Variants in SNX31 observed in about 807,000 individuals in gnomAD.
The protein encoded by SNX31 is sorting nexin 31.
In SNX31, 58 loss-of-function variants were observed where a neutral mutation model predicts 65.4. The observed-to-expected ratio is 0.89, with a 90% CI of 0.72 to 1.10. The LOEUF is 1.10. Among genes scored for constraint, SNX31 ranks in the 50% least tolerant of loss-of-function variants. SNX31 has a pLI of 0.00. For missense variants in SNX31, 523 were observed against 529.7 expected, an observed-to-expected ratio of 0.99 and a Z score of 0.12; for synonymous variants, 181 against 190.1, an observed-to-expected ratio of 0.95 and a Z score of 0.39.
In SNX31 at chr8:100,617,709, T is replaced by G; in HGVS notation, c.343A>C (p.Lys115Gln). The change falls in exon 5 of 14, where the codon AAG (lysine) becomes CAG (glutamine). Residue 115 changes from lysine (K) to glutamine (Q), a missense_variant. Coordinates refer to ENST00000311812, the MANE Select transcript of SNX31 (RefSeq NM_152628.4). ...AGAAATATGTCCAGATAAGCTTTCT[T>G]GGTGGCGATGTCAAATGTATTCTAT... ...AQLNTFDIATKKAYLDIFLPN... is the reference protein window; with the variant it reads ...AQLNTFDIATQKAYLDIFLPN... 6.2e-7 allele frequency: 1 copy of G among 1,613,252 alleles called. No individual in the cohort carries two copies. Among genetic ancestry groups the G allele is most frequent in the Non-Finnish European group, 8.5e-7 (1 of 1,179,730 alleles).
intron 11 of SNX31, among the ~76,000 whole-genome samples, chr8:100,585,529 G>A (rs1813966410): frequency 6.6e-6 from 1 of 152,060 alleles, no homozygotes; most frequent in African/African-American, 2.4e-5. Context: ...GTCTTCCAGG[G>A]GTGTAGAGCA....
chr8:100,582,284 C>T (rs903019868), intron 12 of SNX31: 1 of 152,206 alleles, frequency 6.6e-6, no homozygotes, highest in Non-Finnish European at 1.5e-5. Context: ...AAGTAGCTTA[C>T]ATTTTTTTCA....
At chr8:100,641,565 A>AAAAAAAAAATATATAT (rs1554587369) in intron 2 of SNX31, among the ~76,000 whole-genome samples, 1 of 32,108 alleles carries the variant, frequency 3.1e-5, no homozygotes, top group African/African-American at 1.4e-4. Context: ...AAAAAAAAAA[A>AAAAAAAAAATATATAT]ATATATATAT....
At chr8:100,655,585 T>C (rs1034361228) in intron 1 of SNX31, among the ~76,000 whole-genome samples, 3 of 152,252 alleles carry the variant, frequency 2.0e-5, no homozygotes, top group Non-Finnish European at 4.4e-5. Flanking sequence ...TTCTGCATTC[T>C]GCCATGATTG....
intron 9 of SNX31, among the ~76,000 whole-genome samples, chr8:100,599,454 T>A (rs1815407582): frequency 6.6e-6 from 1 of 152,120 alleles, no homozygotes; most frequent in African/African-American, 2.4e-5. Flanking sequence ...AACTCTTTTT[T>A]TTTTTTTTGT....
chr8:100,662,419 C>CG (rs1809802867), intron 1 of SNX31, among the ~76,000 whole-genome samples: 1 of 152,134 alleles, frequency 6.6e-6, no homozygotes, highest in East Asian at 1.9e-4. Context: ...AATGCTGGGT[C>CG]GGGCATGGTG....
Position 100,636,020 on chromosome 8 carries a change from T to A in SNX31, c.142-9A>T, listed in dbSNP as rs1818748454. 1.2e-6 allele frequency: 2 copies of A among 1,607,950 alleles called. No homozygotes were observed. Among genetic ancestry groups the A allele is most frequent in the Admixed American group, 1.7e-5 (1 of 59,956 alleles). On this transcript the variant is annotated splice_polypyrimidine_tract_variant and intron_variant, in intron 2 of 13. Transcript: ENST00000311812. ...CCAAAGACCCGCCTTAGCTGAAAGA[T>A]CCAGGAAACACAGTTAAGGCAGGTG...
At chr8:100,650,167 T>C (rs753883827), upstream of SNX31, among the ~76,000 whole-genome samples, 3 of 152,232 alleles carry the variant, frequency 2.0e-5, no homozygotes, top group Non-Finnish European at 2.9e-5. Flanking sequence ...GACTACCCAG[T>C]GCAAGTTCTT....
chr8:100,637,650 C>T (rs140218114), intron 2 of SNX31, among the ~76,000 whole-genome samples: 126 of 152,294 alleles, frequency 8.3e-4, no homozygotes, highest in African/African-American at 2.7e-3. Flanking sequence ...CCCGTGACTC[C>T]TTCAGTCTAT....
intron 3 of SNX31, among the ~76,000 whole-genome samples, chr8:100,631,441 T>TTC: frequency 7.7e-6 from 1 of 130,622 alleles, no homozygotes; most frequent in South Asian, 2.4e-4. Context: ...GTTTTACTTT[T>TTC]TTTTTTTTTT....
chr8:100,643,119 G>C (rs34829030), intron 2 of SNX31, among the ~76,000 whole-genome samples: 3 of 151,714 alleles, frequency 2.0e-5, no homozygotes, highest in Admixed American at 6.6e-5. Flanking sequence ...TGAACTTGGG[G>C]GGGGTGGAGG....
intron 12 of SNX31, among the ~76,000 whole-genome samples, chr8:100,581,319 C>CTA (rs1261112864): frequency 4.1e-4 from 51 of 123,034 alleles, no homozygotes; most frequent in African/African-American, 1.6e-3. Context: ...TTTTATATAT[C>CTA]TATATCTATC....
At chr8:100,597,286 G>C (rs1039912989) in intron 9 of SNX31, among the ~76,000 whole-genome samples, 3 of 151,794 alleles carry the variant, frequency 2.0e-5, no homozygotes, top group African/African-American at 7.3e-5. Flanking sequence ...CTATCACCCA[G>C]GCTGGCGTGC....
At chr8:100,585,594 C>T (rs969620435) in intron 11 of SNX31, among the ~76,000 whole-genome samples, 5 of 152,036 alleles carry the variant, frequency 3.3e-5, no homozygotes, top group Non-Finnish European at 7.4e-5. Flanking sequence ...GAAAAAAGGG[C>T]CTGACATCAA....
rs1816530273 is a variant in SNX31, at chr8:100,609,692, G to A, written c.612-1129C>T. On this transcript the variant is annotated intron_variant, in intron 7 of 13. Coordinates refer to ENST00000311812, the MANE Select transcript of SNX31 (RefSeq NM_152628.4). The surrounding 1 kb of genome is among the most constrained non-coding windows in gnomAD (Gnocchi z 4.9). ...ATGGGGTTGGCTTAGACCAGGAAAG[G>A]GATAAATATGGTGCTTGAAGGTCAA... Among the ~76,000 whole-genome samples the A allele has an allele frequency of 6.6e-6, 1 of 152,124 alleles. No individual in the cohort carries two copies. The highest frequency in any genetic ancestry group is 1.5e-5 in the Non-Finnish European group (1 of 68,026).
In SNX31 at chr8:100,575,809, A is replaced by G. The variant is rs1813004209; in HGVS notation, c.1227+1210T>C. On this transcript the variant is annotated intron_variant, in intron 13 of 13. Transcript: ENST00000311812. The surrounding 1 kb of genome is among the most constrained non-coding windows in gnomAD (Gnocchi z 5.1). ...AGGACCACTTGGGGAGCTTTTAAAAATTCCATTGCCCAGGCCCCTCAGACC... is the reference window on the plus strand; with the variant it reads ...AGGACCACTTGGGGAGCTTTTAAAAGTTCCATTGCCCAGGCCCCTCAGACC... 6.6e-6 allele frequency among the ~76,000 whole-genome samples: 1 copy of G among 152,220 alleles called. No individual in the cohort carries two copies. Among genetic ancestry groups the G allele is most frequent in the Non-Finnish European group, 1.5e-5 (1 of 68,030 alleles).
At chr8:100,579,645 C>T (rs1813325251) in intron 12 of SNX31, among the ~76,000 whole-genome samples, 1 of 152,090 alleles carries the variant, frequency 6.6e-6, no homozygotes, top group African/African-American at 2.4e-5. Context: ...TTGCCAGTTG[C>T]CTTTTAAATA....
At chr8:100,598,341 A>G (rs887045738) in intron 9 of SNX31, among the ~76,000 whole-genome samples, 4 of 152,232 alleles carry the variant, frequency 2.6e-5, no homozygotes, top group African/African-American at 9.6e-5. Flanking sequence ...ATCTTGTCAC[A>G]GAGCAGACAG....
chr8:100,584,238 C>A, intron 11 of SNX31, 50 bp from the exon 12 acceptor site: 1 of 1,461,494 alleles, frequency 6.8e-7, no homozygotes, highest in South Asian at 1.3e-5. Flanking sequence ...AATCTTCACT[C>A]TCTTTCTTCC....
Sources: gnomAD v4.1 joint callset for allele counts (sites outside exome capture counted in the v4.1 genomes callset) on GRCh38, gnomAD v4.1.1 for gene constraint, Gnocchi (gnomAD v3.1) non-coding constraint, MANE v1.5 for transcripts, NCBI Gene and HGNC (gene_info 2026-07-23, HGNC 2026-07-21) for gene names.